The following FRMD4A variants were observed in gnomAD, a reference collection of about 807,000 sequenced individuals.
FRMD4A encodes FERM domain-containing protein 4A.
Under a neutral mutation model 129.1 loss-of-function variants are expected in FRMD4A, and 29 were observed. The ratio of observed to expected loss-of-function variants is 0.22; its 90% CI spans 0.17 to 0.31. The LOEUF (loss-of-function observed/expected upper bound fraction) is 0.31, where lower values mean the gene tolerates loss of function less well. FRMD4A is among the 10% of genes least tolerant of loss of function. FRMD4A has a pLI of 1.00. For missense variants in FRMD4A, 1,272 were observed against 1,375.8 expected, an observed-to-expected ratio of 0.92 and a Z score of 1.19; for synonymous variants, 634 against 571.6, an observed-to-expected ratio of 1.11 and a Z score of -1.56.
chr10:13,770,368 C>T (rs949267970), intron 6 of FRMD4A, among the ~76,000 whole-genome samples: 2 of 152,152 alleles, frequency 1.3e-5, no homozygotes, highest in African/African-American at 4.8e-5. Flanking sequence ...GCTGTCCACC[C>T]CACCGCAGAC....
intron 2 of FRMD4A, among the ~76,000 whole-genome samples, chr10:14,076,709 G>A (rs185050036): frequency 7.8e-4 from 118 of 152,126 alleles, no homozygotes; most frequent in Middle Eastern, 3.4e-3. Context: ...AAGGGTCAAC[G>A]TGGAAAAACA....
chr10:13,769,208 G>A (rs1048735047), intron 6 of FRMD4A, among the ~76,000 whole-genome samples: 2 of 108,852 alleles, frequency 1.8e-5, no homozygotes, highest in Admixed American at 1.9e-4. Flanking sequence ...AAAGAGATGG[G>A]TTGTGTGTGT....
intron 2 of FRMD4A, among the ~76,000 whole-genome samples, chr10:13,965,790 C>T (rs1346417574): frequency 6.6e-6 from 1 of 152,230 alleles, no homozygotes; most frequent in Non-Finnish European, 1.5e-5. Context: ...ACAGACTTAG[C>T]TTTCTCTTCT....
intron 3 of FRMD4A, among the ~76,000 whole-genome samples, chr10:13,844,585 G>C (rs1182834265): frequency 6.6e-6 from 1 of 152,100 alleles, no homozygotes; most frequent in Non-Finnish European, 1.5e-5. Flanking sequence ...TAAAATTTAA[G>C]AATCACTGTA....
At chr10:13,984,347 C>G (rs571401930) in intron 2 of FRMD4A, among the ~76,000 whole-genome samples, 32 of 152,298 alleles carry the variant, frequency 2.1e-4, no homozygotes, top group African/African-American at 7.0e-4. Context: ...AACCCCCAAC[C>G]CTTTCAGTTC....
intron 2 of FRMD4A, among the ~76,000 whole-genome samples, chr10:14,196,162 CAT>C (rs980136196): frequency 4.0e-5 from 5 of 123,702 alleles, no homozygotes; most frequent in South Asian, 2.5e-4. Context: ...CATGCACACA[CAT>C]ACACACACAC....
intron 2 of FRMD4A, among the ~76,000 whole-genome samples, chr10:14,317,484 T>C (rs892699927): frequency 1.3e-5 from 2 of 152,220 alleles, no homozygotes; most frequent in South Asian, 2.1e-4. Context: ...TTCTCTGCCA[T>C]CACATTTATC....
intron 2 of FRMD4A, among the ~76,000 whole-genome samples, chr10:14,260,817 T>C (rs993928351): frequency 6.6e-6 from 1 of 152,204 alleles, no homozygotes; most frequent in African/African-American, 2.4e-5. Flanking sequence ...AACATGAATA[T>C]GGGTAAAAAC....
chr10:13,915,512 A>C (rs2094991372), intron 2 of FRMD4A, among the ~76,000 whole-genome samples: 1 of 151,794 alleles, frequency 6.6e-6, no homozygotes, highest in South Asian at 2.1e-4. Flanking sequence ...CTCTACTAAA[A>C]ATACAAAAAA....
intron 2 of FRMD4A, among the ~76,000 whole-genome samples, chr10:13,913,243 A>G (rs1437660405): frequency 6.6e-6 from 1 of 152,152 alleles, no homozygotes; most frequent in Non-Finnish European, 1.5e-5. Flanking sequence ...AAATCTATAC[A>G]CAGAAAAAGT....
intron 2 of FRMD4A, among the ~76,000 whole-genome samples, chr10:14,135,852 G>C (rs1342180205): frequency 6.6e-6 from 1 of 152,174 alleles, no homozygotes; most frequent in African/African-American, 2.4e-5. Flanking sequence ...GAATACAATG[G>C]TCATGGAAAA....
chr10:14,055,891 T>C (rs371650324), intron 2 of FRMD4A, among the ~76,000 whole-genome samples: 1 of 152,252 alleles, frequency 6.6e-6, no homozygotes, highest in South Asian at 2.1e-4. Context: ...TCATTGACTA[T>C]TGTCACCCCG....
intron 15 of FRMD4A, among the ~76,000 whole-genome samples, chr10:13,682,943 C>T (rs1333393696): frequency 6.6e-6 from 1 of 152,176 alleles, no homozygotes; most frequent in Non-Finnish European, 1.5e-5. Flanking sequence ...AGCTGGGCTG[C>T]CCTGGTAAAC....
At chr10:13,992,493 G>T (rs2095606774) in intron 2 of FRMD4A, among the ~76,000 whole-genome samples, 1 of 152,154 alleles carries the variant, frequency 6.6e-6, no homozygotes. Context: ...CACATGGCCA[G>T]CCCCAGTCCA....
rs564301144 is a variant in FRMD4A at position 13,787,401 on chromosome 10, A to T, written c.300-4395T>A. Among the ~76,000 whole-genome samples, 14 of 152,312 alleles carry T rather than the reference A, an allele frequency of 9.2e-5. No individual in the cohort carries two copies. The South Asian group carries it at 2.9e-3, about 32-fold the overall frequency. On this transcript the variant is annotated intron_variant, in intron 5 of 24. Coordinates refer to ENST00000357447, the MANE Select transcript of FRMD4A (RefSeq NM_018027.5). ...ATGGTGCACACCGGTGGCACCAGGG[A>T]CAAGAGCCTCCTGGGAAGATGGGGA...
At chr10:13,846,827 G>C (rs916188472) in intron 3 of FRMD4A, among the ~76,000 whole-genome samples, 10 of 152,204 alleles carry the variant, frequency 6.6e-5, no homozygotes, top group Non-Finnish European at 1.2e-4. Context: ...AAGTCATGAA[G>C]GAGCCTGGAA....
chr10:13,736,139 G>A (rs1053563906), intron 12 of FRMD4A, among the ~76,000 whole-genome samples: 4 of 152,022 alleles, frequency 2.6e-5, no homozygotes, highest in African/African-American at 9.7e-5. Flanking sequence ...GAGACAGAGC[G>A]AGACTCCATC....
intron 8 of FRMD4A, among the ~76,000 whole-genome samples, chr10:13,757,694 T>C (rs2091919852): frequency 6.6e-6 from 1 of 152,140 alleles, no homozygotes; most frequent in African/African-American, 2.4e-5. Context: ...CGGTTCACAG[T>C]TGTCTTTATA....
intron 5 of FRMD4A, among the ~76,000 whole-genome samples, chr10:13,786,482 C>T (rs982015219): frequency 7.2e-5 from 11 of 151,942 alleles, no homozygotes; most frequent in African/African-American, 2.4e-4. Flanking sequence ...GGCGGACACC[C>T]GTAATCCCAG....
Sources: gnomAD v4.1 joint callset for allele counts (sites outside exome capture counted in the v4.1 genomes callset) on GRCh38, gnomAD v4.1.1 for gene constraint, MANE v1.5 for transcripts, NCBI Gene and HGNC (gene_info 2026-07-23, HGNC 2026-07-21) for gene names.